The following CNTNAP2 variants were observed in gnomAD, a reference collection of about 807,000 sequenced individuals.
CNTNAP2 encodes the protein contactin-associated protein-like 2.
Under a neutral mutation model 155.2 loss-of-function variants are expected in CNTNAP2, and 98 were observed. The observed-to-expected ratio is 0.63, with a 90% CI of 0.54 to 0.75. CNTNAP2 has a LOEUF of 0.75. Ranked by LOEUF, CNTNAP2 falls within the 30% of genes least tolerant of loss-of-function variation. CNTNAP2 has a pLI of 0.00. For synonymous variants in CNTNAP2, 651 were observed against 631.2 expected (o/e 1.03, Z -0.47); for missense variants, 1,727 against 1,688.1 (o/e 1.02, Z -0.40).
chr7:147,386,869 G>C (rs1401611841), intron 9 of CNTNAP2, among the ~76,000 whole-genome samples: 5 of 152,096 alleles, frequency 3.3e-5, no homozygotes, highest in Non-Finnish European at 7.4e-5. Context: ...AAACATACTC[G>C]AGACTGGGCA....
intron 1 of CNTNAP2, among the ~76,000 whole-genome samples, chr7:146,428,134 T>G (rs1639434): frequency 0.036 from 5,408 of 152,238 alleles, 341 homozygotes; most frequent in African/African-American, 0.12. Context: ...TCTTTATCTA[T>G]TCTATCTTTG....
chr7:148,162,319 C>T (rs1805563285), intron 17 of CNTNAP2, among the ~76,000 whole-genome samples: 1 of 152,178 alleles, frequency 6.6e-6, no homozygotes, highest in South Asian at 2.1e-4. Context: ...ATATATTTGA[C>T]ATCTGGGTTT....
At chr7:147,261,610 T>G (rs1584827528) in intron 8 of CNTNAP2, among the ~76,000 whole-genome samples, 1 of 151,820 alleles carries the variant, frequency 6.6e-6, no homozygotes, top group East Asian at 1.9e-4. Context: ...GTTTTTGATC[T>G]GTAGGTCAGA....
chr7:146,451,810 A>G (rs1261043489), intron 1 of CNTNAP2, among the ~76,000 whole-genome samples: 1 of 78,240 alleles, frequency 1.3e-5, no homozygotes, highest in Non-Finnish European at 2.4e-5. Flanking sequence ...GGTCTCTTCT[A>G]TATATATATA....
At chr7:148,090,673 G>C (rs555942163) in intron 15 of CNTNAP2, among the ~76,000 whole-genome samples, 1 of 152,096 alleles carries the variant, frequency 6.6e-6, no homozygotes, top group South Asian at 2.1e-4. Flanking sequence ...ACAACCATTA[G>C]GGTAAACAGT....
chr7:148,048,210 C>T (rs6964477), intron 15 of CNTNAP2, among the ~76,000 whole-genome samples: 6,471 of 151,886 alleles, frequency 0.043, 449 homozygotes, highest in African/African-American at 0.15. Context: ...AGGCGTGAGC[C>T]ACCACACCCA....
intron 1 of CNTNAP2, among the ~76,000 whole-genome samples, chr7:146,302,036 G>C (rs889500902): frequency 6.6e-6 from 1 of 152,106 alleles, no homozygotes; most frequent in African/African-American, 2.4e-5. Flanking sequence ...TTTTCCACAA[G>C]GATAGAAGAA....
At chr7:147,245,576 G>A (rs1804042980) in intron 8 of CNTNAP2, among the ~76,000 whole-genome samples, 1 of 151,942 alleles carries the variant, frequency 6.6e-6, no homozygotes, top group Admixed American at 6.6e-5. Flanking sequence ...GCTCATGCCT[G>A]TAATCTTAGC....
At position 146,207,641 on chromosome 7, in the gene CNTNAP2, T is replaced by TG. The variant is rs1398107233; in HGVS notation, c.97+90668_97+90669insG. Among the ~76,000 whole-genome samples, 472 of 149,632 alleles carry TG rather than the reference T, an allele frequency of 3.2e-3. 3 individuals carry two copies. The highest frequency in any genetic ancestry group is 9.7e-3 in the African/African-American group (398 of 40,852). On this transcript the variant is annotated intron_variant, in intron 1 of 23. Coordinates refer to ENST00000361727, the MANE Select transcript of CNTNAP2 (RefSeq NM_014141.6). ...CTTCAAACAGAACAGGACTGTGTTT[T>TG]TTTTTTTTTTTTTTTTTTAACTCAT...
At position 147,879,456 on chromosome 7, in the gene CNTNAP2, G is replaced by A. The variant is rs139054213; in HGVS notation, c.2099-24109G>A. ...TTACAGCTTACTAATTCTGGAGAAA[G>A]ATGGAAATTTTTTTTTTTAATGCGT... On this transcript the variant is annotated intron_variant, in intron 13 of 23. Coordinates refer to ENST00000361727, the MANE Select transcript of CNTNAP2 (RefSeq NM_014141.6). 6.5e-3 allele frequency among the ~76,000 whole-genome samples: 971 copies of A among 148,920 alleles called. 9 individuals are homozygous for A. Among genetic ancestry groups the A allele is most frequent in the Non-Finnish European group, 0.011 (744 of 68,008 alleles).
At chr7:147,369,197 T>C (rs1343663908) in intron 9 of CNTNAP2, among the ~76,000 whole-genome samples, 1 of 152,256 alleles carries the variant, frequency 6.6e-6, no homozygotes, top group Non-Finnish European at 1.5e-5. Flanking sequence ...AAGCACTTGC[T>C]ATTTTGGATT....
At chr7:148,381,308 C>G (rs1458399879) in intron 21 of CNTNAP2, 1 of 152,284 alleles carries the variant, frequency 6.6e-6, no homozygotes, top group Non-Finnish European at 1.5e-5. Flanking sequence ...TGTAGCCACA[C>G]TAGCAGCATC....
intron 13 of CNTNAP2, among the ~76,000 whole-genome samples, chr7:147,826,760 G>T (rs1431619470): frequency 6.6e-6 from 1 of 152,122 alleles, no homozygotes; most frequent in Non-Finnish European, 1.5e-5. Flanking sequence ...GAAAAAATAT[G>T]TGTAAAAAAT....
At chr7:147,266,304 C>T (rs1485442027) in intron 8 of CNTNAP2, among the ~76,000 whole-genome samples, 1 of 152,198 alleles carries the variant, frequency 6.6e-6, no homozygotes, top group Non-Finnish European at 1.5e-5. Context: ...CCGGATGGAG[C>T]TGAAAAACAT....
intron 8 of CNTNAP2, among the ~76,000 whole-genome samples, chr7:147,147,193 T>C (rs369255712): frequency 6.6e-6 from 1 of 152,132 alleles, no homozygotes; most frequent in South Asian, 2.1e-4. Context: ...TATAAAACCA[T>C]CATATCTCAT....
At chr7:146,193,878 A>G (rs1268117835) in intron 1 of CNTNAP2, among the ~76,000 whole-genome samples, 1 of 152,134 alleles carries the variant, frequency 6.6e-6, no homozygotes, top group Non-Finnish European at 1.5e-5. Context: ...ATTTCTTCCA[A>G]TGGATACCCT....
At chr7:146,818,623 CA>C (rs1803219930) in intron 2 of CNTNAP2, among the ~76,000 whole-genome samples, 1 of 152,046 alleles carries the variant, frequency 6.6e-6, no homozygotes, top group African/African-American at 2.4e-5. Context: ...CTGGGCAAGT[CA>C]CCTAAACTCT....
At chr7:146,713,707 A>G (rs1293063774) in intron 1 of CNTNAP2, among the ~76,000 whole-genome samples, 1 of 152,000 alleles carries the variant, frequency 6.6e-6, no homozygotes, top group East Asian at 1.9e-4. Context: ...CCCATTCCTG[A>G]TCATCCTACA....
intron 11 of CNTNAP2, among the ~76,000 whole-genome samples, chr7:147,494,009 T>C (rs1164868230): frequency 6.6e-6 from 1 of 152,146 alleles, no homozygotes; most frequent in African/African-American, 2.4e-5. Context: ...GCTGTATGTA[T>C]TCTCTAGAGG....
Sources: gnomAD v4.1 joint callset for allele counts (sites outside exome capture counted in the v4.1 genomes callset) on GRCh38, gnomAD v4.1.1 for gene constraint, MANE v1.5 for transcripts, NCBI Gene and HGNC (gene_info 2026-07-23, HGNC 2026-07-21) for gene names.